Variants in GLIS3 observed in about 807,000 individuals in gnomAD.
GLIS3 encodes GLIS family zinc finger 3.
Under a neutral mutation model 78.6 loss-of-function variants are expected in GLIS3, and 53 were observed. The ratio of observed to expected loss-of-function variants is 0.67; its 90% CI spans 0.54 to 0.85. The LOEUF (loss-of-function observed/expected upper bound fraction) is 0.85. Ranked by LOEUF, GLIS3 falls within the 40% of genes least tolerant of loss-of-function variation. GLIS3 has a pLI of 0.00. For missense variants in GLIS3, 1,703 were observed against 1,231.1 expected (o/e 1.38, Z -5.74); for synonymous variants, 684 against 509.9 (o/e 1.34, Z -4.60).
intron 4 of GLIS3, chr9:4,305,392 G>C (rs1025025811): frequency 6.6e-6 from 1 of 152,196 alleles, no homozygotes; most frequent in African/African-American, 2.4e-5. Flanking sequence ...TTATTGCAAA[G>C]GTTGAATCGG....
intron 2 of GLIS3, among the ~76,000 whole-genome samples, chr9:4,212,915 A>T (rs1389421715): frequency 6.6e-6 from 1 of 152,184 alleles, no homozygotes; most frequent in Non-Finnish European, 1.5e-5. Flanking sequence ...TCAGCAAGTG[A>T]GTAATATAAT....
chr9:4,470,858 T>C, the GLIS3 span, among the ~76,000 whole-genome samples: 1 of 151,952 alleles, frequency 6.6e-6, no homozygotes, highest in East Asian at 1.9e-4. Flanking sequence ...GAAAACCCCA[T>C]TGTCTCAGCC....
At chr9:4,314,508 G>A (rs574940657) in intron 2 of GLIS3, among the ~76,000 whole-genome samples, 1 of 152,238 alleles carries the variant, frequency 6.6e-6, no homozygotes, top group African/African-American at 2.4e-5. Context: ...CTAGAACTTT[G>A]ATGATGCTAT....
chr9:3,847,326 G>C (rs1173334075), intron 9 of GLIS3, among the ~76,000 whole-genome samples: 1 of 152,132 alleles, frequency 6.6e-6, no homozygotes, highest in Non-Finnish European at 1.5e-5. Context: ...GACTGGCTCT[G>C]CCAATCAGTC....
intron 2 of GLIS3, among the ~76,000 whole-genome samples, chr9:4,143,656 A>T (rs1007116164): frequency 2.6e-5 from 4 of 152,260 alleles, no homozygotes; most frequent in Non-Finnish European, 5.9e-5. Context: ...CACATTGTGC[A>T]TGAGCAATCT....
chr9:4,470,694 A>T, the GLIS3 span, among the ~76,000 whole-genome samples: 1 of 151,954 alleles, frequency 6.6e-6, no homozygotes, highest in African/African-American at 2.4e-5. Flanking sequence ...AAACTGGCAC[A>T]AGACAGGGAT....
At chr9:4,035,023 G>C (rs944898698) in intron 4 of GLIS3, 3 of 152,122 alleles carry the variant, frequency 2.0e-5, no homozygotes, top group Non-Finnish European at 4.4e-5. Flanking sequence ...TTCTGAATAT[G>C]TTTGCTTCTG....
intron 2 of GLIS3, among the ~76,000 whole-genome samples, chr9:4,218,744 C>G (rs556113476): frequency 1.3e-5 from 2 of 152,292 alleles, no homozygotes; most frequent in South Asian, 2.1e-4. Flanking sequence ...CCACATGTGG[C>G]TAATGGCTAC....
chr9:3,944,151 G>C (rs1262198497), intron 4 of GLIS3, among the ~76,000 whole-genome samples: 1 of 152,052 alleles, frequency 6.6e-6, no homozygotes, highest in African/African-American at 2.4e-5. Context: ...TTGAAATGAG[G>C]TAGCAAATTT....
At chr9:4,151,482 A>AG (rs1834674570) in intron 2 of GLIS3, among the ~76,000 whole-genome samples, 1 of 152,158 alleles carries the variant, frequency 6.6e-6, no homozygotes, top group Non-Finnish European at 1.5e-5. Context: ...TTGCTTAGAA[A>AG]GGGGGAAAGT....
chr9:4,213,354 T>A (rs1046090508), intron 2 of GLIS3, among the ~76,000 whole-genome samples: 1 of 152,182 alleles, frequency 6.6e-6, no homozygotes, highest in African/African-American at 2.4e-5. Context: ...TTAAAACCTG[T>A]ACATATTCTT....
chr9:4,389,048 G>T, the GLIS3 span, among the ~76,000 whole-genome samples: 590 of 152,320 alleles, frequency 3.9e-3, 1 homozygote, highest in African/African-American at 0.014. Flanking sequence ...GCCGACTGAG[G>T]TGCCACAGCC....
chr9:4,200,769 C>G (rs938109930), intron 2 of GLIS3, among the ~76,000 whole-genome samples: 4 of 152,150 alleles, frequency 2.6e-5, no homozygotes, highest in African/African-American at 9.7e-5. Flanking sequence ...CAAAGAAGAG[C>G]TGATAATAAT....
intron 3 of GLIS3, among the ~76,000 whole-genome samples, chr9:4,122,870 C>T (rs1015635671): frequency 6.6e-6 from 1 of 152,136 alleles, no homozygotes; most frequent in African/African-American, 2.4e-5. Context: ...CCTCTGTATT[C>T]GAGTTTTGGC....
At chr9:4,466,592 C>A in the GLIS3 span, among the ~76,000 whole-genome samples, 1 of 152,156 alleles carries the variant, frequency 6.6e-6, no homozygotes, top group Non-Finnish European at 1.5e-5. Flanking sequence ...TACATCATAA[C>A]CAATGGGATT....
At chr9:4,178,398 G>C (rs1175613688) in intron 2 of GLIS3, among the ~76,000 whole-genome samples, 1 of 152,156 alleles carries the variant, frequency 6.6e-6, no homozygotes, top group South Asian at 2.1e-4. Flanking sequence ...CGGCCTTTAG[G>C]TTGAGTAGAG....
At position 4,180,741 on chromosome 9, in the gene GLIS3, TA is replaced by T. The variant is rs571346964; in HGVS notation, c.389-54801del. On this transcript the variant is annotated intron_variant, in intron 2 of 10. Coordinates refer to ENST00000381971, the MANE Select transcript of GLIS3 (RefSeq NM_001042413.2). ...TTTTATTTTACATATGTAAGAGTTA[TA>T]AATTGGACAGTCACAAACTAGAGGT... Among the ~76,000 whole-genome samples, 5 of 152,316 alleles carry T rather than the reference TA, an allele frequency of 3.3e-5. No homozygotes were observed. In the South Asian group the frequency reaches 6.2e-4, roughly 19 times the overall value.
the GLIS3 span, among the ~76,000 whole-genome samples, chr9:4,405,268 C>T: frequency 6.6e-6 from 1 of 151,880 alleles, no homozygotes; most frequent in East Asian, 1.9e-4. Context: ...GCAGGAGAAT[C>T]ACTTGAACCC....
chr9:4,169,836 GT>G (rs1468308780), intron 2 of GLIS3, among the ~76,000 whole-genome samples: 3 of 151,908 alleles, frequency 2.0e-5, no homozygotes, highest in African/African-American at 2.4e-5. Flanking sequence ...TGTTCTTGCA[GT>G]TTTTTTTGTT....
Sources: gnomAD v4.1 joint callset for allele counts (sites outside exome capture counted in the v4.1 genomes callset) on GRCh38, gnomAD v4.1.1 for gene constraint, MANE v1.5 for transcripts, NCBI Gene and HGNC (gene_info 2026-07-23, HGNC 2026-07-21) for gene names.